Variants in NDNF observed in about 807,000 individuals in gnomAD.
The protein encoded by NDNF is protein NDNF.
NDNF carries 16 observed loss-of-function variants against 42.0 expected under a neutral mutation model. The observed-to-expected ratio is 0.38, with a 90% CI of 0.26 to 0.58. The LOEUF is 0.58. Among genes scored for constraint, NDNF ranks in the 20% least tolerant of loss-of-function variants. The pLI is 0.67. For missense variants in NDNF, 616 were observed against 666.2 expected (o/e 0.92, Z 0.83); for synonymous variants, 248 against 251.7 (o/e 0.99, Z 0.14).
chr4:121,040,054 C>T lies in NDNF; in HGVS notation c.189G>A (p.Arg63=). The part of the protein sequence containing the change: ...SSYLFRDTPK[R]YFFVVEEDNT... ...TGTCTTCTTCAACCACAAAGAAATA[C>T]CTGTGGGAAAGTGGACCACTTTAGA... The change falls in exon 3 of 4, where the codon AGG becomes AGA. Residue 63 remains arginine (R), a splice_region_variant and synonymous_variant. Transcript: ENST00000379692. 6.2e-7 allele frequency: 1 copy of T among 1,613,044 alleles called. No individual in the cohort carries two copies. The highest frequency in any genetic ancestry group is 8.5e-7 in the Non-Finnish European group (1 of 1,179,606).
chr4:121,049,383 C>T (rs909976839), intron 1 of NDNF, among the ~76,000 whole-genome samples: 3 of 152,164 alleles, frequency 2.0e-5, no homozygotes, highest in African/African-American at 4.8e-5. Context: ...TTCAGGGATC[C>T]TCTCTTGTAA....
At position 121,035,916 on chromosome 4, in the gene NDNF, T is replaced by C. The variant is rs1030968794; in HGVS notation, c.*348A>G. 1 of 178,582 alleles carries C rather than the reference T, an allele frequency of 5.6e-6. No homozygotes were observed. Among genetic ancestry groups the C allele is most frequent in the Non-Finnish European group, 1.2e-5 (1 of 84,798 alleles). 11.1% of individuals were successfully genotyped at this position (178,582 alleles called of 1,614,324 possible). A position where few individuals can be genotyped will look rare whatever the true frequency, so the allele number is the denominator to read the frequency against. On this transcript the variant is annotated 3_prime_UTR_variant, in exon 4 of 4. Transcript: ENST00000379692. ...ATCTACAGAGAGGAATGATTTGCAT[T>C]TGTGGGTGTGTGCAATGAATGGCAT...
intron 1 of NDNF, among the ~76,000 whole-genome samples, chr4:121,071,184 C>T (rs1347525674): frequency 6.6e-6 from 1 of 152,172 alleles, no homozygotes; most frequent in Non-Finnish European, 1.5e-5. Flanking sequence ...CGAACCCCAA[C>T]TCACGCACAG....
At chr4:121,067,310 A>G (rs1184228442) in intron 1 of NDNF, among the ~76,000 whole-genome samples, 1 of 152,188 alleles carries the variant, frequency 6.6e-6, no homozygotes, top group Non-Finnish European at 1.5e-5. Flanking sequence ...TTTAAAGAAA[A>G]GATTCATTTT....
intron 1 of NDNF, among the ~76,000 whole-genome samples, chr4:121,058,602 T>G (rs1042537116): frequency 6.6e-6 from 1 of 152,216 alleles, no homozygotes; most frequent in Non-Finnish European, 1.5e-5. Context: ...GACATGCCAG[T>G]GCAGCAGCGC....
chr4:121,049,361 T>G (rs1342829880), intron 1 of NDNF, among the ~76,000 whole-genome samples: 1 of 152,212 alleles, frequency 6.6e-6, no homozygotes, highest in Non-Finnish European at 1.5e-5. Context: ...TAGAAGATTT[T>G]AGGTCCCTAA....
At chr4:121,060,749 C>T (rs191552365) in intron 1 of NDNF, among the ~76,000 whole-genome samples, 1 of 152,112 alleles carries the variant, frequency 6.6e-6, no homozygotes, top group East Asian at 1.9e-4. Flanking sequence ...GGGCCTAATC[C>T]CACATTTACC....
chr4:121,055,819 A>G (rs1292049217), intron 1 of NDNF, among the ~76,000 whole-genome samples: 3 of 152,118 alleles, frequency 2.0e-5, no homozygotes, highest in African/African-American at 4.8e-5. Context: ...ACACACACAC[A>G]CACGCACCCC....
chr4:121,066,589 T>C (rs750037832), intron 1 of NDNF, among the ~76,000 whole-genome samples: 2 of 152,352 alleles, frequency 1.3e-5, no homozygotes, highest in Non-Finnish European at 2.9e-5. Context: ...CTGTCTTGTA[T>C]ATACCAATTT....
At position 121,036,628 on chromosome 4, in the gene NDNF, G is replaced by C; in HGVS notation, c.1343C>G (p.Pro448Arg). The C allele has an allele frequency of 6.2e-7, 1 of 1,614,158 alleles. No homozygotes were observed. The highest frequency in any genetic ancestry group is 1.1e-5 in the South Asian group (1 of 91,082). ...AAAGGCTTTGATTCTTGTGTCTTCA[G>C]GAAGAGAGGGAAATGACTGCTTAGT... The part of the protein sequence containing the change: ...RPTKQSFPSL[P>R]EDTRIKAFDK... The change falls in exon 4 of 4, where the codon CCT becomes CGT. Residue 448 changes from proline to arginine, a missense_variant. Pro to Arg is a moderately radical substitution (Grantham distance 103). Transcript: ENST00000379692.
At position 121,036,496 on chromosome 4, in the gene NDNF, T is replaced by C; in HGVS notation, c.1475A>G (p.Asp492Gly). The C allele has an allele frequency of 1.2e-6, 2 of 1,614,192 alleles. No homozygotes were observed. The highest frequency in any genetic ancestry group is 8.5e-7 in the Non-Finnish European group (1 of 1,180,034). The change falls in exon 4 of 4, where the codon GAC becomes GGC. Residue 492 changes from aspartate (D) to glycine (G), a missense_variant. Asp to Gly is a moderately conservative substitution (Grantham distance 94). Transcript: ENST00000379692. ...KKEVDDNYNE[D>G]QKKREQNQCL... ...TTGGTTTTGCTCTCTTTTCTTCTGG[T>C]CTTCATTGTAGTTATCATCCACTTC...
In NDNF at chr4:121,052,387, A is replaced by C. The variant is rs148351809; in HGVS notation, c.-1-6549T>G. On this transcript the variant is annotated intron_variant, in intron 1 of 3. Coordinates refer to ENST00000379692, the MANE Select transcript of NDNF (RefSeq NM_024574.4). ...AAGCAAATGTATAGAGAATAAATGAAATCTAATGTTTAATTAAAGAGAGTG... is the reference window on the plus strand; with the variant it reads ...AAGCAAATGTATAGAGAATAAATGACATCTAATGTTTAATTAAAGAGAGTG... 8.5e-5 allele frequency among the ~76,000 whole-genome samples: 13 copies of C among 152,330 alleles called. 1 individual carries two copies. The East Asian group carries it at 2.5e-3, about 29-fold the overall frequency.
intron 1 of NDNF, among the ~76,000 whole-genome samples, chr4:121,055,816 C>G (rs576671981): frequency 1.3e-4 from 20 of 152,264 alleles, no homozygotes; most frequent in African/African-American, 3.9e-4. Context: ...CATACACACA[C>G]ACACACGCAC....
chr4:121,038,391 TAAAAC>T (rs55986130), intron 3 of NDNF, among the ~76,000 whole-genome samples: 63,025 of 148,554 alleles, frequency 0.42, 16,072 homozygotes, highest in East Asian at 0.55. Flanking sequence ...TAAAATAAAA[TAAAAC>T]AAAACAAAAC....
At chr4:121,063,800 T>A (rs1452634451) in intron 1 of NDNF, among the ~76,000 whole-genome samples, 1 of 152,190 alleles carries the variant, frequency 6.6e-6, no homozygotes, top group East Asian at 1.9e-4. Flanking sequence ...ACTAACCTTC[T>A]AGAAGGAGAG....
Position 121,036,350 on chromosome 4 carries a change from A to C in NDNF, c.1621T>G (p.Tyr541Asp). 6.2e-7 allele frequency: 1 copy of C among 1,614,166 alleles called. No homozygotes were observed. Among genetic ancestry groups the C allele is most frequent in the Non-Finnish European group, 8.5e-7 (1 of 1,180,014 alleles). ...TIKGLQPGKS[Y>D]LLDVYVIGHG... ...CCTATGACATAAACATCCAGCAGGTAAGATTTGCCAGGCTGAAGACCTTTA... is the reference window on the plus strand; with the variant it reads ...CCTATGACATAAACATCCAGCAGGTCAGATTTGCCAGGCTGAAGACCTTTA... Residue 541 changes from tyrosine (Y) to aspartate (D), a missense_variant, in exon 4 of 4, where the codon TAC becomes GAC. Coordinates refer to ENST00000379692, the MANE Select transcript of NDNF (RefSeq NM_024574.4).
chr4:121,041,470 G>A (rs1726996089), intron 2 of NDNF, among the ~76,000 whole-genome samples: 1 of 152,114 alleles, frequency 6.6e-6, no homozygotes, highest in African/African-American at 2.4e-5. Context: ...CTCTAATGTT[G>A]GGAGTGAACC....
At chr4:121,050,859 GAT>G (rs1331468737) in intron 1 of NDNF, among the ~76,000 whole-genome samples, 14 of 152,226 alleles carry the variant, frequency 9.2e-5, no homozygotes, top group African/African-American at 1.4e-4. Context: ...GATTATTGGT[GAT>G]ATGAGATTTT....
intron 1 of NDNF, among the ~76,000 whole-genome samples, chr4:121,054,104 G>A (rs2148768264): frequency 6.6e-6 from 1 of 152,304 alleles, no homozygotes; most frequent in South Asian, 2.1e-4. Flanking sequence ...TAACTCTTCA[G>A]TAAGTCACTC....
Sources: allele counts gnomAD v4.1 joint callset (sites outside exome capture counted in the v4.1 genomes callset), GRCh38; gene constraint gnomAD v4.1.1; transcripts MANE v1.5; gene names NCBI Gene and HGNC (gene_info 2026-07-23, HGNC 2026-07-21).